Variants in STK32B observed in about 807,000 individuals in gnomAD.
STK32B encodes the protein serine/threonine-protein kinase 32B.
STK32B carries 43 observed loss-of-function variants against 52.6 expected under a neutral mutation model. The ratio of observed to expected loss-of-function variants is 0.82; its 90% CI spans 0.64 to 1.05. STK32B has a LOEUF of 1.05. Among genes scored for constraint, STK32B ranks in the 50% least tolerant of loss-of-function variants. The probability of loss-of-function intolerance (pLI) is 0.00; values close to 1 mark genes in which losing one functional copy is unlikely to be tolerated. For missense variants in STK32B, 621 were observed against 534.6 expected (o/e 1.16, Z -1.59); for synonymous variants, 238 against 204.3 (o/e 1.17, Z -1.41).
chr4:5,464,423 A>G (rs1305343317), intron 9 of STK32B, among the ~76,000 whole-genome samples: 2 of 152,206 alleles, frequency 1.3e-5, no homozygotes, highest in African/African-American at 4.8e-5. Context: ...CTAGGGATAC[A>G]TCAGTGGTGA....
intron 1 of STK32B, among the ~76,000 whole-genome samples, chr4:5,099,896 C>A (rs140590088): frequency 1.6e-4 from 25 of 152,152 alleles, no homozygotes; most frequent in African/African-American, 4.8e-4. Flanking sequence ...CTGCAGGAAC[C>A]TGAGCCAGGA....
intron 3 of STK32B, among the ~76,000 whole-genome samples, chr4:5,235,915 C>T (rs1424991642): frequency 2.0e-5 from 3 of 152,230 alleles, no homozygotes; most frequent in South Asian, 4.1e-4. Context: ...CCATCACTTA[C>T]TAGCTCTTTA....
chr4:5,401,797 C>T (rs1352559786), intron 5 of STK32B, among the ~76,000 whole-genome samples: 1 of 152,180 alleles, frequency 6.6e-6, no homozygotes, highest in Non-Finnish European at 1.5e-5. Context: ...GGGTAATGAA[C>T]CACATAACTT....
At chr4:5,120,761 G>T (rs953227985) in intron 1 of STK32B, among the ~76,000 whole-genome samples, 3 of 151,880 alleles carry the variant, frequency 2.0e-5, no homozygotes, top group Non-Finnish European at 4.4e-5. Context: ...GGTATCTGAT[G>T]CCAAGCTTTT....
intron 3 of STK32B, among the ~76,000 whole-genome samples, chr4:5,213,575 G>A (rs575357261): frequency 3.9e-5 from 6 of 152,306 alleles, no homozygotes; most frequent in Admixed American, 1.3e-4. Flanking sequence ...TGATGAACAC[G>A]GTTTGGGTGG....
At chr4:5,208,318 C>T (rs16836846) in intron 3 of STK32B, among the ~76,000 whole-genome samples, 11,809 of 152,166 alleles carry the variant, frequency 0.078, 808 homozygotes, top group Admixed American at 0.18. Flanking sequence ...AAGGAAGGAG[C>T]GCCGGATATT....
At chr4:5,118,926 C>T (rs78605999) in intron 1 of STK32B, among the ~76,000 whole-genome samples, 1,884 of 152,292 alleles carry the variant, frequency 0.012, 44 homozygotes, top group African/African-American at 0.042. Flanking sequence ...GCACCATAGA[C>T]GAGTGCTTCT....
intron 4 of STK32B, among the ~76,000 whole-genome samples, chr4:5,381,384 G>A (rs924046046): frequency 2.0e-5 from 3 of 152,206 alleles, no homozygotes; most frequent in Non-Finnish European, 4.4e-5. Context: ...GATGCTGTTG[G>A]AGGGAGCATT....
intron 5 of STK32B, among the ~76,000 whole-genome samples, chr4:5,404,699 C>T (rs1036816031): frequency 2.4e-4 from 36 of 151,750 alleles, no homozygotes; most frequent in African/African-American, 3.9e-4. Context: ...CTCCTCGCTC[C>T]GGGCCCATAA....
intron 3 of STK32B, among the ~76,000 whole-genome samples, chr4:5,191,766 T>C (rs1232915504): frequency 1.3e-5 from 2 of 152,156 alleles, no homozygotes; most frequent in Non-Finnish European, 2.9e-5. Context: ...ACTCAGACTA[T>C]GTGATCAAAT....
At position 5,495,447 on chromosome 4, in the gene STK32B, C is replaced by T. The variant is rs377404898; in HGVS notation, c.1107-3498C>T. 2.0e-4 allele frequency among the ~76,000 whole-genome samples: 30 copies of T among 152,268 alleles called. No homozygotes were observed. The East Asian group carries it at 3.9e-3, about 20-fold the overall frequency. On this transcript the variant is annotated intron_variant, in intron 11 of 11. Coordinates refer to ENST00000282908, the MANE Select transcript of STK32B (RefSeq NM_018401.3). ...TCCATCAGCTCCTTTAAGCACTTCTCTCTATTGGTTATTCTAGTTATACAT... is the reference window on the plus strand; with the variant it reads ...TCCATCAGCTCCTTTAAGCACTTCTTTCTATTGGTTATTCTAGTTATACAT...
intron 3 of STK32B, among the ~76,000 whole-genome samples, chr4:5,174,055 A>G (rs1273010233): frequency 3.9e-5 from 6 of 152,128 alleles, no homozygotes; most frequent in African/African-American, 1.2e-4. Context: ...CCATTATGTA[A>G]TGGCCTTCTT....
In STK32B at chr4:5,104,974, G is replaced by A. The variant is rs116085394; in HGVS notation, c.53-34931G>A. On this transcript the variant is annotated intron_variant, in intron 1 of 11. Coordinates refer to ENST00000282908, the MANE Select transcript of STK32B (RefSeq NM_018401.3). ...ATTGTTTGAGTATATGCCTAAGAGT[G>A]AAATTTCTAGGTCATAGAGTATGCC... 1.8e-3 allele frequency among the ~76,000 whole-genome samples: 277 copies of A among 152,298 alleles called. 1 individual carries two copies. The highest frequency in any genetic ancestry group is 6.4e-3 in the African/African-American group (264 of 41,568).
At chr4:5,451,784 A>C (rs893015313) in intron 7 of STK32B, among the ~76,000 whole-genome samples, 1 of 152,182 alleles carries the variant, frequency 6.6e-6, no homozygotes, top group African/African-American at 2.4e-5. Flanking sequence ...AAACATTGCC[A>C]CATATCCCCT....
At chr4:5,256,041 CT>C (rs1382549722) in intron 3 of STK32B, among the ~76,000 whole-genome samples, 1 of 152,132 alleles carries the variant, frequency 6.6e-6, no homozygotes, top group Admixed American at 6.5e-5. Flanking sequence ...TAAATGGTTA[CT>C]TTGGTTGTCT....
At chr4:5,384,661 C>T (rs79874095) in intron 4 of STK32B, among the ~76,000 whole-genome samples, 4,073 of 152,078 alleles carry the variant, frequency 0.027, 185 homozygotes, top group African/African-American at 0.092. Flanking sequence ...TCAAGGGAGT[C>T]GAGGATGTGG....
In STK32B at chr4:5,495,956, C is replaced by T. The variant is rs544657278; in HGVS notation, c.1107-2989C>T. 2.6e-5 allele frequency among the ~76,000 whole-genome samples: 4 copies of T among 152,266 alleles called. No homozygotes were observed. The South Asian group carries it at 6.2e-4, about 24-fold the overall frequency. ...CTGGAAATTTTGTCTCAGTGGAGTA[C>T]CCGGCCGTGTGATGTGTCAGTCTGC... On this transcript the variant is annotated intron_variant, in intron 11 of 11. Transcript: ENST00000282908.
chr4:5,136,906 A>C (rs1169093230), intron 1 of STK32B, among the ~76,000 whole-genome samples: 1 of 152,208 alleles, frequency 6.6e-6, no homozygotes, highest in Non-Finnish European at 1.5e-5. Context: ...ATCTAGTCCA[A>C]GAAGCAGACA....
intron 6 of STK32B, among the ~76,000 whole-genome samples, chr4:5,421,456 A>G (rs1712641938): frequency 6.6e-6 from 1 of 150,814 alleles, no homozygotes; most frequent in African/African-American, 2.4e-5. Flanking sequence ...AACTCCTGAC[A>G]TCAGGTGATC....
Sources: allele counts gnomAD v4.1 joint callset (sites outside exome capture counted in the v4.1 genomes callset), GRCh38; gene constraint gnomAD v4.1.1; transcripts MANE v1.5; gene names NCBI Gene and HGNC (gene_info 2026-07-23, HGNC 2026-07-21).